BACE2: variants seen among roughly 807,000 people sequenced by gnomAD.
The protein encoded by BACE2 is 56 kDa aspartic-like protease.
In BACE2, 17 loss-of-function variants were observed where a neutral mutation model predicts 46.2. That is an observed-to-expected ratio of 0.37 (90% CI 0.25 to 0.55). BACE2 has a LOEUF of 0.55. Ranked by LOEUF, BACE2 falls within the 20% of genes least tolerant of loss-of-function variation. BACE2 has a pLI of 0.82. For missense variants in BACE2, 595 were observed against 698.1 expected (o/e 0.85, Z 1.66); for synonymous variants, 277 against 295.9 (o/e 0.94, Z 0.66).
At chr21:41,172,986 A>C (rs553857393) in intron 1 of BACE2, among the ~76,000 whole-genome samples, 1 of 152,166 alleles carries the variant, frequency 6.6e-6, no homozygotes, top group African/African-American at 2.4e-5. Flanking sequence ...TCTCCCCTCC[A>C]TGTAAGTTTC....
At chr21:41,237,135 A>G (rs2837976) in intron 2 of BACE2, among the ~76,000 whole-genome samples, 5,470 of 152,276 alleles carry the variant, frequency 0.036, 318 homozygotes, top group African/African-American at 0.12. Context: ...TGGTTCGGGA[A>G]CATGGATACA....
chr21:41,251,770 C>T (rs183484491), intron 7 of BACE2, among the ~76,000 whole-genome samples: 3 of 151,996 alleles, frequency 2.0e-5, no homozygotes, highest in Admixed American at 2.0e-4. Context: ...CACTGCACTG[C>T]AGCCTGGCGA....
At chr21:41,247,528 C>G (rs773921935) in intron 6 of BACE2, among the ~76,000 whole-genome samples, 1 of 152,238 alleles carries the variant, frequency 6.6e-6, no homozygotes, top group African/African-American at 2.4e-5. Context: ...GCAGAATTAA[C>G]GGGAGTATCT....
intron 7 of BACE2, among the ~76,000 whole-genome samples, chr21:41,252,123 C>A (rs1318570572): frequency 6.6e-6 from 1 of 152,194 alleles, no homozygotes; most frequent in African/African-American, 2.4e-5. Flanking sequence ...CCACCACTTT[C>A]ACCCGAGCCT....
chr21:41,226,171 C>A, intron 1 of BACE2, 95 bp from the exon 2 acceptor site: 1 of 900,782 alleles, frequency 1.1e-6, no homozygotes, highest in Non-Finnish European at 1.7e-6. Context: ...ATAAATTATT[C>A]TTGCTACTTA....
At chr21:41,176,314 G>C (rs1195950285) in intron 1 of BACE2, 1 of 152,188 alleles carries the variant, frequency 6.6e-6, no homozygotes, top group African/African-American at 2.4e-5. Context: ...ACTTGGAGTC[G>C]TTGCTTCTTT....
rs550084686 is a variant in BACE2, at chr21:41,272,530, T to C, written c.1304-2841T>C. ...TGCTTCATTTCTATTGTTTTGGTTT[T>C]TTTTAAATTCATTAGTCTGTTTTTC... On this transcript the variant is annotated intron_variant, in intron 8 of 8. Coordinates refer to ENST00000330333, the MANE Select transcript of BACE2 (RefSeq NM_012105.5). Among the ~76,000 whole-genome samples, 4 of 152,240 alleles carry C rather than the reference T, an allele frequency of 2.6e-5. No homozygotes were observed. The South Asian group carries it at 6.2e-4, about 24-fold the overall frequency.
rs576853184 is a variant in BACE2, at chr21:41,217,563, G to A, written c.313-8703G>A. On this transcript the variant is annotated intron_variant, in intron 1 of 8. Coordinates refer to ENST00000330333, the MANE Select transcript of BACE2 (RefSeq NM_012105.5). The stretch of plus-strand genomic sequence containing the variant: ...AGGGCCCTGTGCCTTCCCTGTGGCA[G>A]CTCATGGCAGCTTTGGCGAGGTATC... Among the ~76,000 whole-genome samples the A allele has an allele frequency of 2.6e-5, 4 of 152,300 alleles. No individual in the cohort carries two copies. The East Asian group carries it at 7.7e-4, about 29-fold the overall frequency.
Position 41,168,242 on chromosome 21 carries a change from C to T in BACE2, c.-22C>T, listed in dbSNP as rs1984451192. ...GACGGGACCGGCTAGGCTGGGCGCG[C>T]CCCCCGGGCCCCGCCGTGGGCATGG... On this transcript the variant is annotated 5_prime_UTR_variant, in exon 1 of 9. Coordinates refer to ENST00000330333, the MANE Select transcript of BACE2 (RefSeq NM_012105.5). The T allele has an allele frequency of 5.3e-6, 6 of 1,137,728 alleles. No individual in the cohort carries two copies. Among genetic ancestry groups the T allele is most frequent in the South Asian group, 4.3e-5 (1 of 23,368 alleles). The allele number at this position is 1,137,728 out of a possible 1,614,324, so 70.5% of individuals were successfully genotyped here.
intron 7 of BACE2, among the ~76,000 whole-genome samples, chr21:41,253,396 C>T (rs1483415641): frequency 2.1e-5 from 3 of 144,816 alleles, no homozygotes; most frequent in Non-Finnish European, 3.0e-5. Context: ...GAGCTGAGAT[C>T]GTGGCACTGC....
At chr21:41,273,783 G>A (rs2123654388) in intron 8 of BACE2, among the ~76,000 whole-genome samples, 1 of 152,348 alleles carries the variant, frequency 6.6e-6, no homozygotes, top group Admixed American at 6.5e-5. Flanking sequence ...AAATGTCCAT[G>A]AAATCTTCAC....
chr21:41,255,962 G>C (rs1987775857), intron 7 of BACE2, among the ~76,000 whole-genome samples: 1 of 152,080 alleles, frequency 6.6e-6, no homozygotes, highest in African/African-American at 2.4e-5. Context: ...CTGCAGAGTT[G>C]TCTCTTGTGA....
intron 1 of BACE2, among the ~76,000 whole-genome samples, chr21:41,192,875 G>A (rs1985622920): frequency 6.6e-6 from 1 of 152,238 alleles, no homozygotes; most frequent in Admixed American, 6.5e-5. Flanking sequence ...CTCTTTCTTG[G>A]TTGTAGGAGG....
At chr21:41,246,946 C>G (rs1018952894) in intron 6 of BACE2, among the ~76,000 whole-genome samples, 1 of 152,158 alleles carries the variant, frequency 6.6e-6, no homozygotes, top group African/African-American at 2.4e-5. Context: ...CATGCAACCA[C>G]GGCGTTGCTG....
In BACE2 at chr21:41,241,907, G is replaced by C; in HGVS notation, c.707G>C (p.Gly236Ala). The C allele has an allele frequency of 6.2e-7, 1 of 1,614,164 alleles. No homozygotes were observed. Among genetic ancestry groups the C allele is most frequent in the Non-Finnish European group, 8.5e-7 (1 of 1,180,038 alleles). ...NVFSMQMCGA[G>A]LPVAGSGTNG... ...TTCTCCATGCAGATGTGTGGAGCCG[G>C]CTTGCCCGTTGCTGGATCTGGGACC... is the stretch of plus-strand genomic sequence containing the variant. Residue 236 changes from glycine to alanine, a missense_variant, in exon 4 of 9, where the codon GGC (glycine) becomes GCC (alanine). Gly to Ala is a moderately conservative substitution (Grantham distance 60). This residue lies in a region of BACE2 where 343 missense variants were observed against 419.4 expected (regional missense o/e 0.82). Transcript: ENST00000330333.
chr21:41,213,026 T>A (rs772522413), intron 1 of BACE2, among the ~76,000 whole-genome samples: 1 of 152,212 alleles, frequency 6.6e-6, no homozygotes, highest in Non-Finnish European at 1.5e-5. Context: ...TTGGCAGGTT[T>A]GTTGACCTAA....
chr21:41,227,712 G>A (rs1474021694), intron 2 of BACE2, among the ~76,000 whole-genome samples: 2 of 152,168 alleles, frequency 1.3e-5, no homozygotes, highest in Admixed American at 1.3e-4. Flanking sequence ...TCATGTGTTG[G>A]TAAGCTTTCT....
intron 1 of BACE2, among the ~76,000 whole-genome samples, chr21:41,207,175 T>G (rs1252958568): frequency 6.6e-6 from 1 of 152,172 alleles, no homozygotes; most frequent in Non-Finnish European, 1.5e-5. Flanking sequence ...GTAGGTAAAA[T>G]GACATGTCCT....
In BACE2 at chr21:41,282,508, A is replaced by G. The variant is rs1382842881; in HGVS notation, c.*6884A>G. ...AAAGGGAAATAAAACATTTTTGTTT[A>G]TTTGAATAAATAATACTCCCAACCT... is the stretch of plus-strand genomic sequence containing the variant. On this transcript the variant is annotated 3_prime_UTR_variant, in exon 9 of 9. Coordinates refer to ENST00000330333, the MANE Select transcript of BACE2 (RefSeq NM_012105.5). The G allele has an allele frequency of 6.6e-6, 1 of 152,182 alleles. No homozygotes were observed. The highest frequency in any genetic ancestry group is 6.5e-5 in the Admixed American group (1 of 15,280). The allele number at this position is 152,182 out of a possible 1,614,324, so 9.4% of individuals were successfully genotyped here.
Sources: allele counts gnomAD v4.1 joint callset (sites outside exome capture counted in the v4.1 genomes callset), GRCh38; gene constraint gnomAD v4.1.1; regional missense constraint gnomAD v4.1.1; transcripts MANE v1.5; gene names NCBI Gene and HGNC (gene_info 2026-07-23, HGNC 2026-07-21).